Variants in CCSER1 observed in about 807,000 individuals in gnomAD.
CCSER1 encodes the protein serine-rich coiled-coil domain-containing protein 1.
In CCSER1, 41 loss-of-function variants were observed where a neutral mutation model predicts 82.0. The ratio of observed to expected loss-of-function variants is 0.50; its 90% CI spans 0.39 to 0.65. The LOEUF (loss-of-function observed/expected upper bound fraction) is 0.65. Ranked by LOEUF, CCSER1 falls within the 30% of genes least tolerant of loss-of-function variation. The pLI is 0.00. For missense variants in CCSER1, 1,119 were observed against 1,064.2 expected (o/e 1.05, Z -0.72); for synonymous variants, 414 against 383.9 (o/e 1.08, Z -0.92).
chr4:91,424,045 T>C (rs1753831018), intron 10 of CCSER1, among the ~76,000 whole-genome samples: 1 of 131,908 alleles, frequency 7.6e-6, no homozygotes, highest in South Asian at 2.6e-4. Context: ...AGTCTCGCTC[T>C]GTCGCCCAGG....
intron 8 of CCSER1, among the ~76,000 whole-genome samples, chr4:90,821,481 T>C (rs182423596): frequency 6.6e-6 from 1 of 152,288 alleles, no homozygotes; most frequent in Admixed American, 6.5e-5. Context: ...GTTTAAAATA[T>C]AGGTTCTATT....
chr4:91,561,650 C>T (rs1292484786), intron 10 of CCSER1, among the ~76,000 whole-genome samples: 1 of 151,510 alleles, frequency 6.6e-6, no homozygotes, highest in African/African-American at 2.4e-5. Flanking sequence ...TTCACAGTTA[C>T]ATCACCAATG....
chr4:91,063,201 C>G (rs1581455426), intron 9 of CCSER1, among the ~76,000 whole-genome samples: 1 of 152,212 alleles, frequency 6.6e-6, no homozygotes, highest in African/African-American at 2.4e-5. Context: ...CAGTGCCCCT[C>G]TACTTACTTT....
intron 10 of CCSER1, among the ~76,000 whole-genome samples, chr4:91,466,242 A>G (rs1431595942): frequency 6.6e-6 from 1 of 152,218 alleles, no homozygotes; most frequent in Non-Finnish European, 1.5e-5. Context: ...AACAGAACCA[A>G]AGACAAAAAC....
intron 8 of CCSER1, among the ~76,000 whole-genome samples, chr4:90,833,495 C>G (rs1188421778): frequency 6.6e-6 from 1 of 152,130 alleles, no homozygotes; most frequent in Non-Finnish European, 1.5e-5. Context: ...CTTATTATGC[C>G]TATTCCTTGT....
At position 90,932,968 on chromosome 4, in the gene CCSER1, AAG is replaced by A. The variant is rs1388956096; in HGVS notation, c.2172+9523_2172+9524del. On this transcript the variant is annotated intron_variant, in intron 9 of 10. Coordinates refer to ENST00000509176, the MANE Select transcript of CCSER1 (RefSeq NM_001145065.2). Reference sequence around the variant, plus strand: ...AAAGAAAGAAAGAAAGAAAGAAAGAAAGAAAGAAAGAAAGAGAAAGAAAGAAA... The same window carrying A: ...AAAGAAAGAAAGAAAGAAAGAAAGAAAAAGAAAGAAAGAGAAAGAAAGAAA... Among the ~76,000 whole-genome samples the A allele has an allele frequency of 6.8e-5, 3 of 44,126 alleles. 1 individual carries two copies. The highest frequency in any genetic ancestry group is 1.7e-4 in the African/African-American group (1 of 5,968). The allele number at this position is 44,126 out of a possible 152,430, so 28.9% of individuals were successfully genotyped here.
intron 7 of CCSER1, among the ~76,000 whole-genome samples, chr4:90,734,260 G>C (rs2149415890): frequency 6.6e-6 from 1 of 151,930 alleles, no homozygotes; most frequent in African/African-American, 2.4e-5. Context: ...CAAGTAGCTG[G>C]GACTACAGGC....
chr4:90,994,998 C>A (rs1047481319), intron 9 of CCSER1, among the ~76,000 whole-genome samples: 16 of 152,150 alleles, frequency 1.1e-4, no homozygotes, highest in Admixed American at 2.0e-4. Flanking sequence ...CAGAGCAGAG[C>A]AGAGCATCTG....
intron 3 of CCSER1, among the ~76,000 whole-genome samples, chr4:90,375,405 G>A (rs150784233): frequency 1.3e-5 from 2 of 152,214 alleles, no homozygotes; most frequent in East Asian, 3.9e-4. Flanking sequence ...GGGACACATG[G>A]GTTTTGTGTT....
intron 5 of CCSER1, among the ~76,000 whole-genome samples, chr4:90,518,053 G>A (rs1318235694): frequency 6.6e-6 from 1 of 152,004 alleles, no homozygotes; most frequent in Non-Finnish European, 1.5e-5. Flanking sequence ...TGCTTAATTT[G>A]TAAATTACTT....
intron 9 of CCSER1, among the ~76,000 whole-genome samples, chr4:91,069,567 G>C (rs1242215011): frequency 6.6e-6 from 1 of 152,130 alleles, no homozygotes; most frequent in Admixed American, 6.5e-5. Context: ...TGGACATACT[G>C]TCATGGACTT....
chr4:90,627,626 A>G (rs17831012), intron 5 of CCSER1, among the ~76,000 whole-genome samples: 42,927 of 151,888 alleles, frequency 0.28, 6,335 homozygotes, highest in East Asian at 0.36. Flanking sequence ...GAATCTTACC[A>G]CTAAATGTAT....
intron 1 of CCSER1, among the ~76,000 whole-genome samples, chr4:90,159,830 A>G (rs1272479018): frequency 6.6e-6 from 1 of 152,188 alleles, no homozygotes; most frequent in Non-Finnish European, 1.5e-5. Flanking sequence ...ATAGTGCCTA[A>G]CATTTATTGA....
intron 10 of CCSER1, among the ~76,000 whole-genome samples, chr4:91,271,397 G>A (rs1334697312): frequency 6.6e-6 from 1 of 152,098 alleles, no homozygotes; most frequent in Non-Finnish European, 1.5e-5. Context: ...CCAGTTTGTA[G>A]TCTTTCATCT....
chr4:91,380,748 T>A (rs1259348850), intron 10 of CCSER1, among the ~76,000 whole-genome samples: 2 of 152,190 alleles, frequency 1.3e-5, no homozygotes, highest in Non-Finnish European at 2.9e-5. Flanking sequence ...CCATTTACAT[T>A]TAAGGCTAAT....
intron 7 of CCSER1, among the ~76,000 whole-genome samples, chr4:90,808,623 A>G (rs1346047644): frequency 6.6e-6 from 1 of 152,332 alleles, no homozygotes; most frequent in East Asian, 1.9e-4. Flanking sequence ...AATGGCCAAC[A>G]AACCATATGA....
chr4:90,223,743 A>G (rs1401747757), intron 1 of CCSER1, among the ~76,000 whole-genome samples: 1 of 152,242 alleles, frequency 6.6e-6, no homozygotes. Flanking sequence ...AAGAAACAAT[A>G]TAACGTAAAA....
At chr4:90,653,146 G>A (rs910199053) in intron 6 of CCSER1, among the ~76,000 whole-genome samples, 3 of 151,942 alleles carry the variant, frequency 2.0e-5, no homozygotes, top group African/African-American at 7.2e-5. Flanking sequence ...AAAAAAACTT[G>A]CTTTGAATTT....
At chr4:91,174,485 T>A (rs1236873240) in intron 10 of CCSER1, among the ~76,000 whole-genome samples, 1 of 152,146 alleles carries the variant, frequency 6.6e-6, no homozygotes, top group Non-Finnish European at 1.5e-5. Flanking sequence ...GGGAAGCATG[T>A]GCAGGACATG....
Sources: allele counts gnomAD v4.1 joint callset (sites outside exome capture counted in the v4.1 genomes callset), GRCh38; gene constraint gnomAD v4.1.1; transcripts MANE v1.5; gene names NCBI Gene and HGNC (gene_info 2026-07-23, HGNC 2026-07-21).